The following COG5 variants were observed in gnomAD, a reference collection of about 807,000 sequenced individuals.
COG5 encodes the protein component of oligomeric golgi complex 5, also known as conserved oligomeric Golgi complex subunit 5.
A neutral mutation model predicts 110.4 loss-of-function variants in COG5; 86 were observed. The ratio of observed to expected loss-of-function variants is 0.78; its 90% CI spans 0.65 to 0.93. COG5 has a LOEUF of 0.93. Ranked by LOEUF, COG5 falls within the 40% of genes least tolerant of loss-of-function variation. The pLI, the probability that COG5 is intolerant of heterozygous loss-of-function variation, is 0.00. For missense variants in COG5, 1,077 were observed against 987.0 expected (o/e 1.09, Z -1.22); for synonymous variants, 360 against 334.6 (o/e 1.08, Z -0.83).
intron 7 of COG5, among the ~76,000 whole-genome samples, chr7:107,399,720 C>T (rs1791288063): frequency 1.3e-5 from 2 of 152,138 alleles, no homozygotes; most frequent in Non-Finnish European, 2.9e-5. Context: ...GACTTACATC[C>T]AGAATGTAAT....
At chr7:107,365,596 CAAAAA>C (rs71134263) in intron 8 of COG5, among the ~76,000 whole-genome samples, 4 of 36,690 alleles carry the variant, frequency 1.1e-4, no homozygotes, top group Admixed American at 4.4e-4. Context: ...TGCAAAATGA[CAAAAA>C]AAAAAAAAAA....
At chr7:107,268,744 C>T (rs1804006116) in intron 14 of COG5, among the ~76,000 whole-genome samples, 2 of 152,196 alleles carry the variant, frequency 1.3e-5, no homozygotes. Context: ...TTCACAATCC[C>T]TAATAATGTT....
chr7:107,509,810 G>A (rs1361504838), intron 6 of COG5, among the ~76,000 whole-genome samples: 1 of 152,112 alleles, frequency 6.6e-6, no homozygotes, highest in Non-Finnish European at 1.5e-5. Flanking sequence ...AGCTTCATAA[G>A]TGAAGGGGAA....
chr7:107,409,940 A>G (rs957953569), intron 7 of COG5, among the ~76,000 whole-genome samples: 1 of 152,226 alleles, frequency 6.6e-6, no homozygotes, highest in Non-Finnish European at 1.5e-5. Context: ...TGGACGTAAT[A>G]AAAAAGTAAT....
At chr7:107,364,061 G>A (rs1432110022) in intron 8 of COG5, among the ~76,000 whole-genome samples, 1 of 152,086 alleles carries the variant, frequency 6.6e-6, no homozygotes, top group Non-Finnish European at 1.5e-5. Flanking sequence ...ATTACAAGGA[G>A]CACTCTGGCA....
chr7:107,343,632 C>T (rs1015295687), intron 10 of COG5, among the ~76,000 whole-genome samples: 3 of 152,026 alleles, frequency 2.0e-5, no homozygotes, highest in African/African-American at 4.8e-5. Flanking sequence ...AGCGAGCTGA[C>T]GTCGCACCAC....
chr7:107,456,488 G>C (rs992342092), intron 6 of COG5, among the ~76,000 whole-genome samples: 16 of 152,006 alleles, frequency 1.1e-4, no homozygotes. Context: ...TTTAGCTTTC[G>C]GCTAAATATA....
intron 6 of COG5, among the ~76,000 whole-genome samples, chr7:107,509,628 A>C (rs932516351): frequency 7.2e-5 from 11 of 152,226 alleles, no homozygotes; most frequent in Non-Finnish European, 1.6e-4. Context: ...GAAGGACAAA[A>C]TGTTAAGGGC....
chr7:107,502,513 T>C (rs576534515), intron 6 of COG5, among the ~76,000 whole-genome samples: 1 of 152,298 alleles, frequency 6.6e-6, no homozygotes, highest in Admixed American at 6.5e-5. Context: ...ATATAATGAC[T>C]TCTTTTCCTT....
At chr7:107,340,331 C>A (rs1811069295) in intron 10 of COG5, among the ~76,000 whole-genome samples, 1 of 152,126 alleles carries the variant, frequency 6.6e-6, no homozygotes, top group African/African-American at 2.4e-5. Flanking sequence ...CAGGAAGAAA[C>A]TGGAACCCTG....
chr7:107,316,113 A>T (rs181961170), intron 11 of COG5, among the ~76,000 whole-genome samples: 164 of 152,320 alleles, frequency 1.1e-3, no homozygotes, highest in African/African-American at 3.8e-3. Context: ...AACACCAAAA[A>T]ATGCAAACTA....
At chr7:107,288,497 T>C (rs976191589) in intron 12 of COG5, among the ~76,000 whole-genome samples, 8 of 152,174 alleles carry the variant, frequency 5.3e-5, no homozygotes, top group Non-Finnish European at 8.8e-5. Flanking sequence ...TTTTTGTTTA[T>C]AGACATCCTA....
chr7:107,481,447 G>A lies in COG5; in HGVS notation c.538+45790C>T, dbSNP rs921728357. On this transcript the variant is annotated intron_variant, in intron 6 of 21. Transcript: ENST00000297135. ...CATATTAAACGTAGACTGTAGGAGT[G>A]AGAAATACATATGGGACTGTAGTGA... Among the ~76,000 whole-genome samples the A allele has an allele frequency of 5.9e-5, 9 of 152,230 alleles. 1 individual carries two copies. Among genetic ancestry groups the A allele is most frequent in the Admixed American group, 5.2e-4 (8 of 15,290 alleles).
At chr7:107,260,910 T>C (rs1044775550) in intron 14 of COG5, among the ~76,000 whole-genome samples, 3 of 152,092 alleles carry the variant, frequency 2.0e-5, no homozygotes, top group African/African-American at 7.2e-5. Context: ...TGGATGACCT[T>C]GTGTTTCTCT....
intron 1 of COG5, among the ~76,000 whole-genome samples, chr7:107,561,241 T>G (rs1435829457): frequency 6.6e-6 from 1 of 152,182 alleles, no homozygotes; most frequent in African/African-American, 2.4e-5. Flanking sequence ...CTCACCAATT[T>G]TCATACTATG....
At chr7:107,210,467 A>G (rs879519890) in intron 21 of COG5, 59 bp downstream of exon 21, 79 of 1,555,312 alleles carry the variant, frequency 5.1e-5, no homozygotes, top group South Asian at 2.8e-4. Flanking sequence ...CCTCTCTTGC[A>G]TCCCCACCCT....
intron 7 of COG5, among the ~76,000 whole-genome samples, chr7:107,400,335 G>A (rs1791335563): frequency 6.6e-6 from 1 of 151,964 alleles, no homozygotes; most frequent in African/African-American, 2.4e-5. Flanking sequence ...GTAAAACCAT[G>A]GAAATGCAAA....
chr7:107,248,720 C>T (rs552510212), intron 16 of COG5, among the ~76,000 whole-genome samples: 15 of 152,212 alleles, frequency 9.9e-5, no homozygotes, highest in African/African-American at 3.6e-4. Context: ...AACACCCCCA[C>T]TCTTCTTATT....
intron 3 of COG5, among the ~76,000 whole-genome samples, chr7:107,550,935 A>C (rs1802842831): frequency 6.6e-6 from 1 of 152,020 alleles, no homozygotes; most frequent in Non-Finnish European, 1.5e-5. Context: ...CATAGTTCCA[A>C]AAGGACAGTG....
Sources: allele counts gnomAD v4.1 joint callset (sites outside exome capture counted in the v4.1 genomes callset), GRCh38; gene constraint gnomAD v4.1.1; transcripts MANE v1.5; gene names NCBI Gene and HGNC (gene_info 2026-07-23, HGNC 2026-07-21).